The following RGSL1 variants were observed in gnomAD, a reference collection of about 807,000 sequenced individuals.
The protein encoded by RGSL1 is regulator of G protein signaling like 1.
A neutral mutation model predicts 124.7 loss-of-function variants in RGSL1; 97 were observed. The observed-to-expected ratio is 0.78, with a 90% CI of 0.66 to 0.92. RGSL1 has a LOEUF of 0.92. Among genes scored for constraint, RGSL1 ranks in the 40% least tolerant of loss-of-function variants. The pLI, the probability that RGSL1 is intolerant of heterozygous loss-of-function variation, is 0.00. For missense variants in RGSL1, 1,233 were observed against 1,288.4 expected, an observed-to-expected ratio of 0.96 and a Z score of 0.66; for synonymous variants, 424 against 438.1, an observed-to-expected ratio of 0.97 and a Z score of 0.40.
At chr1:182,450,452 G>C in intron 1 of RGSL1, 3 of 529,896 alleles carry the variant, frequency 5.7e-6, no homozygotes, top group Middle Eastern at 4.7e-4. Context: ...CTCCTCCAGA[G>C]AGAAGACTGG....
intron 9 of RGSL1, among the ~76,000 whole-genome samples, chr1:182,520,002 C>G (rs553659): frequency 6.6e-6 from 1 of 152,060 alleles, no homozygotes; most frequent in East Asian, 1.9e-4. Context: ...TCATATTTGA[C>G]TTTTCTGTGC....
intron 4 of RGSL1, among the ~76,000 whole-genome samples, chr1:182,468,721 C>T (rs1018598365): frequency 6.6e-6 from 1 of 151,548 alleles, no homozygotes; most frequent in African/African-American, 2.4e-5. Flanking sequence ...ATGTAACAAA[C>T]CTGCACATTG....
intron 15 of RGSL1, among the ~76,000 whole-genome samples, chr1:182,541,135 A>G (rs1013256271): frequency 6.6e-6 from 1 of 152,158 alleles, no homozygotes; most frequent in African/African-American, 2.4e-5. Context: ...GAAATGTACG[A>G]TAGATGATTA....
intron 9 of RGSL1, among the ~76,000 whole-genome samples, chr1:182,505,199 A>G (rs144065117): frequency 1.3e-3 from 193 of 150,718 alleles, no homozygotes; most frequent in Middle Eastern, 6.9e-3. Context: ...GAAACACTCC[A>G]AGTATGGCAA....
intron 9 of RGSL1, among the ~76,000 whole-genome samples, chr1:182,507,025 T>C (rs1488482682): frequency 3.4e-5 from 5 of 145,464 alleles, no homozygotes; most frequent in Non-Finnish European, 7.5e-5. Context: ...GTTTCACTTT[T>C]ATTGCCCAGG....
At chr1:182,447,969 T>TAAAAAAAAAAAA (rs58532907), upstream of RGSL1, 1 of 137,406 alleles carries the variant, frequency 7.3e-6, no homozygotes, top group Non-Finnish European at 1.6e-5. Context: ...CTCTGAAATT[T>TAAAAAAAAAAAA]AAAAAAAAAA....
intron 4 of RGSL1, 79 bp from the exon 5 acceptor site, chr1:182,472,317 T>C: frequency 1.5e-6 from 2 of 1,310,038 alleles, no homozygotes; most frequent in South Asian, 1.7e-5. Context: ...GTGGGGGATG[T>C]CAGTTGATTC....
At chr1:182,456,889 G>A (rs1338829861) in intron 2 of RGSL1, among the ~76,000 whole-genome samples, 2 of 152,130 alleles carry the variant, frequency 1.3e-5, no homozygotes, top group Non-Finnish European at 1.5e-5. Context: ...ATGATTTGCT[G>A]TAATCCCAGC....
intron 17 of RGSL1, 27 bp downstream of exon 17, chr1:182,548,851 T>C (rs757530096): frequency 6.5e-7 from 1 of 1,550,152 alleles, no homozygotes. Context: ...ATTCAGTGAC[T>C]GTTAGGTCAG....
chr1:182,509,894 C>G (rs1322952629), intron 9 of RGSL1, among the ~76,000 whole-genome samples: 617 of 122,652 alleles, frequency 5.0e-3, no homozygotes, highest in Middle Eastern at 8.8e-3. Flanking sequence ...GGGTGGCTGC[C>G]GGGCGGAGAG....
At chr1:182,461,781 TA>T in intron 4 of RGSL1, among the ~76,000 whole-genome samples, 1 of 61,210 alleles carries the variant, frequency 1.6e-5, no homozygotes, top group Non-Finnish European at 4.1e-5. Context: ...AACCAGAAGA[TA>T]GGACAGTAGA....
chr1:182,494,033 T>C (rs753584715), intron 9 of RGSL1, among the ~76,000 whole-genome samples: 6 of 152,136 alleles, frequency 3.9e-5, no homozygotes, highest in Non-Finnish European at 7.4e-5. Flanking sequence ...CCATCCTAGA[T>C]TCCTCTCATG....
chr1:182,529,618 G>C (rs1402370847), intron 11 of RGSL1, among the ~76,000 whole-genome samples: 1 of 152,112 alleles, frequency 6.6e-6, no homozygotes, highest in Non-Finnish European at 1.5e-5. Flanking sequence ...GTTTTTGCTT[G>C]TAGTAAACCA....
intron 9 of RGSL1, among the ~76,000 whole-genome samples, chr1:182,508,428 T>G (rs959695733): frequency 3.4e-5 from 5 of 149,180 alleles, no homozygotes; most frequent in African/African-American, 1.2e-4. Context: ...GCCTCCTGAA[T>G]AGCTGGGATT....
intron 19 of RGSL1, 28 bp from the exon 20 acceptor site, chr1:182,554,599 T>G (rs1265678315): frequency 1.3e-6 from 2 of 1,548,640 alleles, no homozygotes; most frequent in Admixed American, 2.0e-5. Context: ...TGAGTCCTGA[T>G]GCAATTTTTC....
At chr1:182,464,594 G>C (rs925587827) in intron 4 of RGSL1, among the ~76,000 whole-genome samples, 1 of 151,780 alleles carries the variant, frequency 6.6e-6, no homozygotes, top group East Asian at 1.9e-4. Context: ...CATGTTGGCG[G>C]GATCCTGTAA....
chr1:182,554,545 T>G, intron 19 of RGSL1, 82 bp from the exon 20 acceptor site: 1 of 1,220,384 alleles, frequency 8.2e-7, no homozygotes, highest in Non-Finnish European at 1.2e-6. Flanking sequence ...CCACCCAGCA[T>G]GGTCCTCCAG....
chr1:182,558,389 A>G (rs1660985911), intron 21 of RGSL1, among the ~76,000 whole-genome samples: 1 of 152,192 alleles, frequency 6.6e-6, no homozygotes, highest in Admixed American at 6.5e-5. Flanking sequence ...TGCTACCATA[A>G]CAAGTTACCA....
chr1:182,553,885 T>G (rs1159842595), intron 19 of RGSL1, among the ~76,000 whole-genome samples: 1 of 152,152 alleles, frequency 6.6e-6, no homozygotes, highest in African/African-American at 2.4e-5. Context: ...ACTATCACAG[T>G]GTCCTAATTG....
Sources: gnomAD v4.1 joint callset for allele counts (sites outside exome capture counted in the v4.1 genomes callset) on GRCh38, gnomAD v4.1.1 for gene constraint, MANE v1.5 for transcripts, NCBI Gene and HGNC (gene_info 2026-07-23, HGNC 2026-07-21) for gene names.